The following SLC22A16 variants were observed in gnomAD, a reference collection of about 807,000 sequenced individuals.
The protein encoded by SLC22A16 is WUGSC:RG331P03.1.
SLC22A16 carries 53 observed loss-of-function variants against 52.9 expected under a neutral mutation model. That is an observed-to-expected ratio of 1.00 (90% CI 0.80 to 1.26). The LOEUF (loss-of-function observed/expected upper bound fraction) is 1.26, where lower values mean the gene tolerates loss of function less well. SLC22A16 is among the 50% of genes most tolerant of loss of function. SLC22A16 has a pLI of 0.00. For synonymous variants in SLC22A16, 291 were observed against 268.8 expected, an observed-to-expected ratio of 1.08 and a Z score of -0.81; for missense variants, 726 against 704.0, an observed-to-expected ratio of 1.03 and a Z score of -0.35.
intron 1 of SLC22A16, among the ~76,000 whole-genome samples, chr6:110,459,870 T>TA (rs957201690): frequency 5.9e-5 from 9 of 152,044 alleles, no homozygotes; most frequent in African/African-American, 2.2e-4. Flanking sequence ...TTTTCTGAAG[T>TA]AAAAAATCAC....
At chr6:110,459,326 G>C (rs1562296285) in intron 1 of SLC22A16, among the ~76,000 whole-genome samples, 1 of 152,268 alleles carries the variant, frequency 6.6e-6, no homozygotes. Flanking sequence ...AAGTGATGAA[G>C]GTTAACATCC....
chr6:110,468,543 G>A (rs544726733), intron 1 of SLC22A16, among the ~76,000 whole-genome samples: 28 of 152,056 alleles, frequency 1.8e-4, no homozygotes, highest in Admixed American at 2.0e-4. Context: ...CTACTAAGGA[G>A]GCTGAGACAG....
intron 1 of SLC22A16, among the ~76,000 whole-genome samples, chr6:110,470,530 G>A (rs1179672397): frequency 2.6e-5 from 4 of 152,068 alleles, no homozygotes; most frequent in Non-Finnish European, 4.4e-5. Flanking sequence ...CAGGCGTCCA[G>A]TCTTCAGATC....
chr6:110,440,051 T>A (rs1480206977), intron 4 of SLC22A16: 2 of 152,174 alleles, frequency 1.3e-5, no homozygotes, highest in African/African-American at 2.4e-5. Flanking sequence ...CACAAATATA[T>A]GAAAATGCGT....
At chr6:110,425,552 G>C (rs1165507560) in intron 7 of SLC22A16, among the ~76,000 whole-genome samples, 3 of 152,186 alleles carry the variant, frequency 2.0e-5, no homozygotes, top group African/African-American at 4.8e-5. Flanking sequence ...GTAAATGATA[G>C]GGAATGAATG....
chr6:110,474,874 A>G, intron 1 of SLC22A16: 2 of 513,706 alleles, frequency 3.9e-6, no homozygotes, highest in South Asian at 2.8e-5. Context: ...CAACTAATAT[A>G]ATTACCTCAG....
At position 110,442,688 on chromosome 6, in the gene SLC22A16, G is replaced by T; in HGVS notation, c.739C>A (p.His247Asn). 1 of 1,614,108 alleles carries T rather than the reference G, an allele frequency of 6.2e-7. No individual in the cohort carries two copies. The highest frequency in any genetic ancestry group is 1.1e-5 in the South Asian group (1 of 91,076). ...AGGGTTCCAACTGCAAAAAAGGAAT[G>T]CAAATGGACAGACGCCCATGTCCGA... Reference protein sequence around the residue: ...KSRTWASVHLHSFFAVGTLLV... With the variant: ...KSRTWASVHLNSFFAVGTLLV... The change falls in exon 4 of 8, where the codon CAT (histidine) becomes AAT (asparagine). Residue 247 changes from histidine to asparagine, a missense_variant. His to Asn is a moderately conservative substitution (Grantham distance 68). Coordinates refer to ENST00000368919, the MANE Select transcript of SLC22A16 (RefSeq NM_033125.4).
chr6:110,465,738 C>T (rs775300485), intron 1 of SLC22A16, among the ~76,000 whole-genome samples: 4 of 152,098 alleles, frequency 2.6e-5, no homozygotes, highest in Non-Finnish European at 5.9e-5. Flanking sequence ...AAATTCAATG[C>T]AATTCCTATA....
chr6:110,443,750 C>T (rs143751985), intron 3 of SLC22A16, among the ~76,000 whole-genome samples: 40 of 152,258 alleles, frequency 2.6e-4, no homozygotes, highest in African/African-American at 7.7e-4. Flanking sequence ...GCATTATTCA[C>T]AACAGCTAAA....
chr6:110,425,293 T>A (rs948202891), intron 7 of SLC22A16: 15 of 1,498,344 alleles, frequency 1.0e-5, no homozygotes, highest in African/African-American at 1.4e-5. Context: ...CATCACTCAC[T>A]CATTCATTCC....
intron 7 of SLC22A16, among the ~76,000 whole-genome samples, chr6:110,430,228 C>T (rs557720579): frequency 3.9e-5 from 6 of 152,012 alleles, no homozygotes; most frequent in African/African-American, 9.7e-5. Context: ...AATAAGAAGC[C>T]GATGCCACAG....
chr6:110,467,157 G>A (rs1250241759), intron 1 of SLC22A16, among the ~76,000 whole-genome samples: 1 of 152,080 alleles, frequency 6.6e-6, no homozygotes, highest in Non-Finnish European at 1.5e-5. Flanking sequence ...TGCTGGTCTA[G>A]CCTGTTCCTC....
intron 1 of SLC22A16, among the ~76,000 whole-genome samples, chr6:110,463,347 T>TA (rs1562298460): frequency 6.6e-6 from 1 of 151,658 alleles, no homozygotes; most frequent in Non-Finnish European, 1.5e-5. Flanking sequence ...GATTTTTTTT[T>TA]AAAAAGACCC....
intron 2 of SLC22A16, among the ~76,000 whole-genome samples, chr6:110,449,985 A>G (rs1434293239): frequency 1.3e-5 from 2 of 152,180 alleles, no homozygotes; most frequent in Non-Finnish European, 2.9e-5. Flanking sequence ...AGGTTGTTTC[A>G]TGACACAAAG....
rs375374031 is a variant in SLC22A16 at position 110,442,296 on chromosome 6, G to A, written c.1131C>T (p.Ser377=). Residue 377 remains serine (S), a synonymous_variant, in exon 4 of 8, where the codon TCC becomes TCT. Transcript: ENST00000368919. ...TGCCTCCTAAGTTAACAGAATTCAA[G>A]GAAAACGAGTAGAATCCCAAACTTC... ...FTGSLGFYSF[S]LNSVNLGGNE... is the part of the protein sequence containing the mutation. 2 of 1,614,030 alleles carry A rather than the reference G, an allele frequency of 1.2e-6. No homozygotes were observed. The highest frequency in any genetic ancestry group is 8.5e-7 in the Non-Finnish European group (1 of 1,180,024).
At chr6:110,449,142 C>G (rs1217844491) in intron 2 of SLC22A16, among the ~76,000 whole-genome samples, 1 of 152,150 alleles carries the variant, frequency 6.6e-6, no homozygotes, top group Non-Finnish European at 1.5e-5. Context: ...GCTCATTTTG[C>G]AGTCACCAGG....
intron 1 of SLC22A16, among the ~76,000 whole-genome samples, chr6:110,473,795 G>T (rs573796849): frequency 6.6e-6 from 1 of 151,868 alleles, no homozygotes; most frequent in Admixed American, 6.6e-5. Context: ...AAAGTGCTGG[G>T]ATTACAGGCA....
At chr6:110,427,834 G>T (rs895794315) in intron 7 of SLC22A16, among the ~76,000 whole-genome samples, 1 of 152,136 alleles carries the variant, frequency 6.6e-6, no homozygotes, top group Non-Finnish European at 1.5e-5. Flanking sequence ...TACTGCTGTT[G>T]TATCTTTTAA....
At chr6:110,469,048 G>A (rs1211221601) in intron 1 of SLC22A16, among the ~76,000 whole-genome samples, 1 of 152,206 alleles carries the variant, frequency 6.6e-6, no homozygotes, top group Non-Finnish European at 1.5e-5. Context: ...CAGGCAATAA[G>A]AATGGCTCTC....
Sources: gnomAD v4.1 joint callset for allele counts (sites outside exome capture counted in the v4.1 genomes callset) on GRCh38, gnomAD v4.1.1 for gene constraint, MANE v1.5 for transcripts, NCBI Gene and HGNC (gene_info 2026-07-23, HGNC 2026-07-21) for gene names.